FBRSL1: variants seen among roughly 807,000 people sequenced by gnomAD.
FBRSL1 encodes fibrosin-1-like protein.
A neutral mutation model predicts 89.6 loss-of-function variants in FBRSL1; 51 were observed. The observed-to-expected ratio is 0.57, with a 90% confidence interval of 0.45 to 0.72. The LOEUF (loss-of-function observed/expected upper bound fraction) is 0.72, where lower values mean the gene tolerates loss of function less well. Ranked by LOEUF, FBRSL1 falls within the 30% of genes least tolerant of loss-of-function variation. The pLI, the probability that FBRSL1 is intolerant of heterozygous loss-of-function variation, is 0.00. For missense variants in FBRSL1, 1,618 were observed against 1,451.8 expected (o/e 1.11, Z -1.86); for synonymous variants, 779 against 681.1 (o/e 1.14, Z -2.24).
At chr12:132,495,683 C>T (rs1354941569) in intron 1 of FBRSL1, among the ~76,000 whole-genome samples, 1 of 152,224 alleles carries the variant, frequency 6.6e-6, no homozygotes, top group Non-Finnish European at 1.5e-5. Context: ...GCATGGATTC[C>T]TGTTCCTCCC....
chr12:132,576,784 G>T lies in FBRSL1; in HGVS notation c.1702-15G>T. Reference sequence around the variant, plus strand: ...GTCCCCGGGCAGGCGGCCCTCACCCGTTCTATCCTCCCAGGAGATGCAGCT... The same window carrying T: ...GTCCCCGGGCAGGCGGCCCTCACCCTTTCTATCCTCCCAGGAGATGCAGCT... On this transcript the variant is annotated splice_polypyrimidine_tract_variant and intron_variant, in intron 14 of 18. Coordinates refer to ENST00000680143, the MANE Select transcript of FBRSL1 (RefSeq NM_001367871.1). 1.3e-6 allele frequency: 2 copies of T among 1,549,146 alleles called. No homozygotes were observed. Among genetic ancestry groups the T allele is most frequent in the Non-Finnish European group, 1.7e-6 (2 of 1,145,930 alleles).
Position 132,582,997 on chromosome 12 carries a change from T to C in FBRSL1, c.2228T>C (p.Leu743Pro). ...ERDLLEKTRLLSRASPATPAG... is the reference protein window; with the variant it reads ...ERDLLEKTRLPSRASPATPAG... ...GACCTCCTGGAGAAGACGCGCCTGC[T>C]GAGCCGGGCCTCGCCCGCCACCCCC... Residue 743 changes from leucine to proline, a missense_variant, in exon 19 of 19, where the codon CTG becomes CCG. Leu to Pro is a moderately conservative substitution (Grantham distance 98, BLOSUM62 -3). Coordinates refer to ENST00000680143, the MANE Select transcript of FBRSL1 (RefSeq NM_001367871.1). The C allele has an allele frequency of 6.9e-7, 1 of 1,449,864 alleles. No individual in the cohort carries two copies. The highest frequency in any genetic ancestry group is 9.0e-7 in the Non-Finnish European group (1 of 1,109,206). The allele number at this position is 1,449,864 out of a possible 1,614,324, so 89.8% of individuals were successfully genotyped here.
chr12:132,557,222 T>C (rs12821205), intron 5 of FBRSL1, among the ~76,000 whole-genome samples: 65,866 of 152,080 alleles, frequency 0.43, 15,748 homozygotes, highest in Middle Eastern at 0.55. Context: ...CCGTAAGCTC[T>C]GGATAAATGT....
In FBRSL1 at chr12:132,570,429, C is replaced by G. The variant is rs1477839022; in HGVS notation, c.1102C>G (p.Arg368Gly). 1.3e-6 allele frequency: 2 copies of G among 1,534,844 alleles called. No homozygotes were observed. Among genetic ancestry groups the G allele is most frequent in the African/African-American group, 1.4e-5 (1 of 72,778 alleles). The change falls in exon 8 of 19, where the codon CGG (arginine) becomes GGG (glycine). Residue 368 changes from arginine (R) to glycine (G), a missense_variant. Transcript: ENST00000680143. ...PHLSTSHLAL[R>G]SQAQHQLHAA... The stretch of plus-strand genomic sequence containing the variant: ...CCTGTCTACCTCACACCTGGCGCTC[C>G]GGTCCCAGGCGCAGCACCAGCTCCA...
intron 5 of FBRSL1, among the ~76,000 whole-genome samples, chr12:132,557,583 G>A (rs1273770633): frequency 6.6e-6 from 1 of 152,220 alleles, no homozygotes; most frequent in South Asian, 2.1e-4. Flanking sequence ...GCGGCCTCAG[G>A]ACTGAGGTTA....
At chr12:132,551,993 C>T (rs1342537203) in intron 5 of FBRSL1, 2 of 267,250 alleles carry the variant, frequency 7.5e-6, no homozygotes, top group Non-Finnish European at 1.5e-5. Context: ...CAGTGCCGGG[C>T]CTCAGCCAAG....
chr12:132,510,014 G>A, intron 2 of FBRSL1: 2 of 1,231,660 alleles, frequency 1.6e-6, no homozygotes, highest in Non-Finnish European at 2.0e-6. Context: ...AGCCCCAGCG[G>A]TTAGTGGAAG....
intron 2 of FBRSL1, chr12:132,510,194 C>G: frequency 1.6e-6 from 2 of 1,231,712 alleles, no homozygotes; most frequent in Non-Finnish European, 1.0e-6. Context: ...CCAACAAGCC[C>G]TGCAAACCCC....
At chr12:132,578,341 T>TCACACACACACACACACACACACACA (rs547551851) in intron 15 of FBRSL1, among the ~76,000 whole-genome samples, 880 of 28,468 alleles carry the variant, frequency 0.031, 5 homozygotes, top group Non-Finnish European at 0.043. Context: ...CAAGACCCTG[T>TCACACACACACACACACACACACACA]CTCACACACA....
At chr12:132,560,122 G>A (rs1410151908) in intron 5 of FBRSL1, 13 of 151,736 alleles carry the variant, frequency 8.6e-5, no homozygotes, top group Admixed American at 8.5e-4. Context: ...GCGGGGAGAG[G>A]GGTCGCCTGG....
intron 1 of FBRSL1, among the ~76,000 whole-genome samples, chr12:132,491,977 C>T (rs909935745): frequency 6.6e-6 from 1 of 152,236 alleles, no homozygotes; most frequent in Admixed American, 6.5e-5. Flanking sequence ...ATCCTCTGTC[C>T]TGCACATTAT....
At chr12:132,554,118 G>C (rs1312855291) in intron 5 of FBRSL1, 1 of 152,262 alleles carries the variant, frequency 6.6e-6, no homozygotes, top group Admixed American at 6.5e-5. Flanking sequence ...GTCGCCACGG[G>C]GCACCTCGGG....
Position 132,576,941 on chromosome 12 carries a change from G to C in FBRSL1, c.1834+10G>C. On this transcript the variant is annotated intron_variant, in intron 15 of 18. Transcript: ENST00000680143. ...CTCTTCCCCAGCACAGGTGAGACTG[G>C]AGTCGGGCCAGGTGGGGGGCACAGA... The C allele has an allele frequency of 1.3e-6, 2 of 1,545,258 alleles. No homozygotes were observed. The highest frequency in any genetic ancestry group is 8.7e-7 in the Non-Finnish European group (1 of 1,143,680).
At chr12:132,544,653 C>T (rs1024101962) in intron 4 of FBRSL1, among the ~76,000 whole-genome samples, 6 of 151,648 alleles carry the variant, frequency 4.0e-5, no homozygotes, top group African/African-American at 1.5e-4. Context: ...GACGTGAGGA[C>T]GGCGATACTG....
chr12:132,560,264 T>G (rs2039002638), intron 5 of FBRSL1: 1 of 151,670 alleles, frequency 6.6e-6, no homozygotes. Flanking sequence ...GAGAGGGAAT[T>G]GGGACTTTGG....
At chr12:132,550,106 A>G (rs10747077) in intron 5 of FBRSL1, among the ~76,000 whole-genome samples, 112,818 of 150,584 alleles carry the variant, frequency 0.75, 42,831 homozygotes, top group African/African-American at 0.9. Flanking sequence ...TCCTGCACAC[A>G]GAGGGTCCCG....
At chr12:132,524,258 G>A (rs1196859289) in intron 2 of FBRSL1, among the ~76,000 whole-genome samples, 1 of 152,226 alleles carries the variant, frequency 6.6e-6, no homozygotes, top group Non-Finnish European at 1.5e-5. Flanking sequence ...CCCTGCCCCC[G>A]GCTCCCGCCC....
rs973214581 is a variant in FBRSL1, at chr12:132,546,409, C to T, written c.616-1594C>T. The stretch of plus-strand genomic sequence containing the variant: ...TTCTTGTGTGGTGGGCCGGGCTGGG[C>T]GGGTGCAGGTGGGACTGAGGCCCTT... On this transcript the variant is annotated intron_variant, in intron 4 of 18. Coordinates refer to ENST00000680143, the MANE Select transcript of FBRSL1 (RefSeq NM_001367871.1). The surrounding 1 kb of genome is among the most constrained non-coding windows in gnomAD (Gnocchi z 4.0). Among the ~76,000 whole-genome samples, 31 of 149,762 alleles carry T rather than the reference C, an allele frequency of 2.1e-4. No homozygotes were observed. Among genetic ancestry groups the T allele is most frequent in the African/African-American group, 7.3e-4 (30 of 41,204 alleles).
rs2037664578 is a variant in FBRSL1, at chr12:132,546,107, C to T, written c.616-1896C>T. ...GTGTTCTGGCATGTTCCTCCCCTCC[C>T]CTGCGCTCCCCGCAGGAGCTTGTGG... On this transcript the variant is annotated intron_variant, in intron 4 of 18. Coordinates refer to ENST00000680143, the MANE Select transcript of FBRSL1 (RefSeq NM_001367871.1). This position sits in a 1 kb window ranked among gnomAD's most constrained non-coding sequence, Gnocchi z 4.0. Among the ~76,000 whole-genome samples, 1 of 152,252 alleles carries T rather than the reference C, an allele frequency of 6.6e-6. No individual in the cohort carries two copies. Among genetic ancestry groups the T allele is most frequent in the South Asian group, 2.1e-4 (1 of 4,834 alleles).
Sources: allele counts gnomAD v4.1 joint callset (sites outside exome capture counted in the v4.1 genomes callset), GRCh38; gene constraint gnomAD v4.1.1; non-coding constraint Gnocchi (gnomAD v3.1); transcripts MANE v1.5; gene names NCBI Gene and HGNC (gene_info 2026-07-23, HGNC 2026-07-21).